INPP5A: variants seen among roughly 807,000 people sequenced by gnomAD.
INPP5A encodes 43 kDa inositol polyphosphate 5-phophatase.
INPP5A carries 14 observed loss-of-function variants against 65.2 expected under a neutral mutation model. The observed-to-expected ratio is 0.21, with a 90% CI of 0.14 to 0.34. The LOEUF (loss-of-function observed/expected upper bound fraction) is 0.34, where lower values mean the gene tolerates loss of function less well. INPP5A is among the 10% of genes least tolerant of loss of function. The pLI is 1.00. For missense variants in INPP5A, 431 were observed against 545.6 expected (o/e 0.79, Z 2.09); for synonymous variants, 207 against 208.3 (o/e 0.99, Z 0.05).
intron 4 of INPP5A, among the ~76,000 whole-genome samples, chr10:132,654,841 G>A (rs780159846): frequency 1.1e-4 from 16 of 150,928 alleles, no homozygotes; most frequent in Admixed American, 2.0e-4. Context: ...GTGAGCCTGT[G>A]GGGGGGACGC....
chr10:132,643,846 C>T (rs2072458489), intron 2 of INPP5A, among the ~76,000 whole-genome samples: 1 of 152,134 alleles, frequency 6.6e-6, no homozygotes. Context: ...AGAGTGCTGA[C>T]ATCGCCTCCC....
At chr10:132,720,664 T>A (rs1212682794) in intron 8 of INPP5A, among the ~76,000 whole-genome samples, 1 of 143,800 alleles carries the variant, frequency 7.0e-6, no homozygotes, top group African/African-American at 2.6e-5. Context: ...GTCTTCAGGG[T>A]TCTGTGGTAC....
At chr10:132,780,521 G>C (rs1012385682) in intron 13 of INPP5A, among the ~76,000 whole-genome samples, 13 of 152,266 alleles carry the variant, frequency 8.5e-5, no homozygotes, top group Admixed American at 3.9e-4. Flanking sequence ...GAGAGCCCAG[G>C]AGCATGTCCG....
chr10:132,755,276 T>C (rs1846576770), intron 11 of INPP5A, among the ~76,000 whole-genome samples: 1 of 146,410 alleles, frequency 6.8e-6, no homozygotes. Context: ...CATGTGAGCC[T>C]TCATGAGCGT....
intron 2 of INPP5A, among the ~76,000 whole-genome samples, chr10:132,617,252 G>T (rs897294334): frequency 1.3e-5 from 2 of 152,158 alleles, no homozygotes; most frequent in African/African-American, 2.4e-5. Flanking sequence ...TTTGCAGGCA[G>T]CTCAGCAGAC....
Position 132,677,423 on chromosome 10 carries a change from T to A in INPP5A, c.307-12969T>A, listed in dbSNP as rs572623326. Among the ~76,000 whole-genome samples the A allele has an allele frequency of 1.1e-4, 17 of 152,286 alleles. No individual in the cohort carries two copies. In the South Asian group the frequency reaches 2.3e-3, roughly 20 times the overall value. ...GGAAGGAGAAAGTGCCGGGTGCATA[T>A]TTGTGGAATGTGAGTGGTGACTGAA... is the stretch of plus-strand genomic sequence containing the variant. On this transcript the variant is annotated intron_variant, in intron 4 of 15. Transcript: ENST00000368594.
Position 132,676,270 on chromosome 10 carries a change from C to T in INPP5A, c.307-14122C>T, listed in dbSNP as rs1232238593. On this transcript the variant is annotated intron_variant, in intron 4 of 15. Coordinates refer to ENST00000368594, the MANE Select transcript of INPP5A (RefSeq NM_005539.5). This position sits in a 1 kb window ranked among gnomAD's most constrained non-coding sequence, Gnocchi z 4.0. ...CAGGTTTAAAATGACTGGTAGGCAC[C>T]CACAGGGAAACTAGGTTCCTCACAC... Among the ~76,000 whole-genome samples, 1 of 152,064 alleles carries T rather than the reference C, an allele frequency of 6.6e-6. No homozygotes were observed. Among genetic ancestry groups the T allele is most frequent in the African/African-American group, 2.4e-5 (1 of 41,394 alleles).
intron 2 of INPP5A, among the ~76,000 whole-genome samples, chr10:132,641,016 CCT>C (rs1456002008): frequency 1.3e-5 from 2 of 152,228 alleles, no homozygotes; most frequent in Admixed American, 1.3e-4. Flanking sequence ...TCTGTTCACC[CCT>C]CTGTCTGTGT....
At chr10:132,597,188 C>T (rs1294777937) in intron 1 of INPP5A, among the ~76,000 whole-genome samples, 1 of 152,250 alleles carries the variant, frequency 6.6e-6, no homozygotes, top group African/African-American at 2.4e-5. Context: ...TATGCACATG[C>T]ACTTGTGTTT....
intron 2 of INPP5A, among the ~76,000 whole-genome samples, chr10:132,608,938 G>A (rs556911532): frequency 6.6e-6 from 1 of 152,184 alleles, no homozygotes; most frequent in African/African-American, 2.4e-5. Flanking sequence ...AGCTGGGACA[G>A]CCAGGAGGGC....
chr10:132,580,325 G>A (rs1017725017), intron 1 of INPP5A, among the ~76,000 whole-genome samples: 1 of 152,138 alleles, frequency 6.6e-6, no homozygotes, highest in African/African-American at 2.4e-5. Context: ...GTGAGATCTG[G>A]TTGTTTAAAA....
intron 1 of INPP5A, among the ~76,000 whole-genome samples, chr10:132,572,238 TG>T (rs1002189459): frequency 8.6e-5 from 13 of 151,160 alleles, no homozygotes; most frequent in African/African-American, 1.7e-4. Context: ...CTGTGGCCCA[TG>T]GGGGGGCCTT....
chr10:132,558,290 A>G (rs985392956), intron 1 of INPP5A, among the ~76,000 whole-genome samples: 2 of 152,096 alleles, frequency 1.3e-5, no homozygotes, highest in African/African-American at 4.8e-5. Context: ...CGCGCTGAGC[A>G]CGCTCTGGGG....
chr10:132,667,209 G>A (rs1238880743), intron 4 of INPP5A, among the ~76,000 whole-genome samples: 2 of 152,260 alleles, frequency 1.3e-5, no homozygotes, highest in Non-Finnish European at 2.9e-5. Flanking sequence ...GACCTGGATT[G>A]TCTAAGCCGC....
At position 132,697,097 on chromosome 10, in the gene INPP5A, C is replaced by T. The variant is rs1845356622; in HGVS notation, c.371-719C>T. On this transcript the variant is annotated intron_variant, in intron 5 of 15. Transcript: ENST00000368594. This position sits in a 1 kb window ranked among gnomAD's most constrained non-coding sequence, Gnocchi z 5.6. ...GTCACCTCAGTGGCCCAGGAGCCAT[C>T]CTGTGGCATCTTGCAAAGAGGCCAG... is the stretch of plus-strand genomic sequence containing the variant. Among the ~76,000 whole-genome samples the T allele has an allele frequency of 6.6e-6, 1 of 152,248 alleles. No homozygotes were observed. The highest frequency in any genetic ancestry group is 1.5e-5 in the Non-Finnish European group (1 of 68,046).
chr10:132,596,862 T>C lies in INPP5A; in HGVS notation c.76-11053T>C, dbSNP rs546463408. Among the ~76,000 whole-genome samples the C allele has an allele frequency of 5.8e-3, 805 of 138,678 alleles. 4 individuals carry two copies. The highest frequency in any genetic ancestry group is 8.6e-3 in the Non-Finnish European group (523 of 61,044). The allele number at this position is 138,678 out of a possible 152,430, so 91.0% of individuals were successfully genotyped here. Reference sequence around the variant, plus strand: ...GTGTGTGCATGCGTGTGTGTGCATGTGTGTGCATGTGTGTGCATGCACGTG... The same window carrying C: ...GTGTGTGCATGCGTGTGTGTGCATGCGTGTGCATGTGTGTGCATGCACGTG... On this transcript the variant is annotated intron_variant, in intron 1 of 15. Coordinates refer to ENST00000368594, the MANE Select transcript of INPP5A (RefSeq NM_005539.5).
chr10:132,665,901 A>G (rs2072794692), intron 4 of INPP5A, among the ~76,000 whole-genome samples: 2 of 152,104 alleles, frequency 1.3e-5, no homozygotes, highest in South Asian at 4.1e-4. Context: ...CTGAAAATAC[A>G]AAAATTAGCC....
Position 132,777,786 on chromosome 10 carries a change from AGT to A in INPP5A, c.1089+10_1089+11del. 6.8e-6 allele frequency: 11 copies of A among 1,612,592 alleles called. No homozygotes were observed. The highest frequency in any genetic ancestry group is 9.3e-6 in the Non-Finnish European group (11 of 1,179,796). On this transcript the variant is annotated splice_donor_5th_base_variant and intron_variant, in intron 13 of 15. Transcript: ENST00000368594. ...TGCCAAGGAGCTGGTGCTGCGGGTG[AGT>A]GTGTGCTGCCCCAGCCCTGGGCACA... is the stretch of plus-strand genomic sequence containing the variant.
At chr10:132,660,998 G>A (rs2072729474) in intron 4 of INPP5A, among the ~76,000 whole-genome samples, 1 of 152,156 alleles carries the variant, frequency 6.6e-6, no homozygotes, top group Non-Finnish European at 1.5e-5. Flanking sequence ...CAGGAGGGAG[G>A]AAAACCAGAT....
Sources: allele counts gnomAD v4.1 joint callset (sites outside exome capture counted in the v4.1 genomes callset), GRCh38; gene constraint gnomAD v4.1.1; non-coding constraint Gnocchi (gnomAD v3.1); transcripts MANE v1.5; gene names NCBI Gene and HGNC (gene_info 2026-07-23, HGNC 2026-07-21).